The following COL11A1 variants were observed in gnomAD, a reference collection of about 807,000 sequenced individuals.
COL11A1 encodes the protein collagen alpha-1(XI) chain.
COL11A1 carries 74 observed loss-of-function variants against 265.2 expected under a neutral mutation model. That is an observed-to-expected ratio of 0.28 (90% CI 0.23 to 0.34). The LOEUF is 0.34. COL11A1 is among the 10% of genes least tolerant of loss of function. COL11A1 has a pLI of 1.00. For missense variants in COL11A1, 2,165 were observed against 2,263.6 expected (o/e 0.96, Z 0.88); for synonymous variants, 816 against 727.6 (o/e 1.12, Z -1.96).
intron 57 of COL11A1, among the ~76,000 whole-genome samples, chr1:102,892,827 CAAA>C (rs768134365): frequency 6.6e-6 from 1 of 152,088 alleles, no homozygotes; most frequent in African/African-American, 2.4e-5. Context: ...TAACAACAGA[CAAA>C]AGTTATTTTC....
intron 4 of COL11A1, among the ~76,000 whole-genome samples, chr1:103,050,891 C>T (rs982689974): frequency 6.6e-6 from 1 of 152,178 alleles, no homozygotes; most frequent in Non-Finnish European, 1.5e-5. Context: ...GCCTGGGTAT[C>T]AGCAGCAGAG....
intron 63 of COL11A1, among the ~76,000 whole-genome samples, chr1:102,883,589 C>A (rs1166585523): frequency 6.6e-6 from 1 of 152,092 alleles, no homozygotes; most frequent in African/African-American, 2.4e-5. Context: ...ACTTAAATAT[C>A]ATCTCCTCAA....
intron 44 of COL11A1, among the ~76,000 whole-genome samples, chr1:102,937,688 C>T (rs1557846103): frequency 6.6e-6 from 1 of 152,138 alleles, no homozygotes; most frequent in Non-Finnish European, 1.5e-5. Flanking sequence ...CCCCTTTGAA[C>T]TTCTCTGCCA....
At chr1:103,084,209 C>G (rs1672672866) in intron 1 of COL11A1, among the ~76,000 whole-genome samples, 1 of 152,068 alleles carries the variant, frequency 6.6e-6, no homozygotes, top group Admixed American at 6.6e-5. Context: ...TTTTCATCAA[C>G]TCAAACTTCA....
chr1:103,031,044 A>T (rs1667943098), intron 5 of COL11A1, 72 bp downstream of exon 5: 2 of 1,527,784 alleles, frequency 1.3e-6, no homozygotes, highest in East Asian at 4.5e-5. Context: ...AAATAAGTAT[A>T]AGTTCAAAAA....
chr1:102,879,249 A>G (rs1398278968), intron 66 of COL11A1, among the ~76,000 whole-genome samples: 3 of 152,186 alleles, frequency 2.0e-5, no homozygotes, highest in Non-Finnish European at 4.4e-5. Context: ...TATAGTACAA[A>G]TTAACAAGCT....
intron 48 of COL11A1, 92 bp from the exon 49 acceptor site, chr1:102,920,456 A>G (rs1034533560): frequency 5.8e-6 from 6 of 1,039,584 alleles, no homozygotes; most frequent in Non-Finnish European, 9.1e-6. Context: ...AAAAAGAGAA[A>G]TAGATGCATG....
chr1:102,993,824 C>T (rs1438143995), intron 28 of COL11A1, among the ~76,000 whole-genome samples: 1 of 152,178 alleles, frequency 6.6e-6, no homozygotes, highest in Non-Finnish European at 1.5e-5. Context: ...TAGGCATGTG[C>T]CACTGTGCCC....
chr1:102,906,988 C>T (rs1363756751), intron 54 of COL11A1, among the ~76,000 whole-genome samples: 1 of 151,972 alleles, frequency 6.6e-6, no homozygotes, highest in Non-Finnish European at 1.5e-5. Flanking sequence ...TTTATCCAAA[C>T]CTAATATAGA....
intron 4 of COL11A1, among the ~76,000 whole-genome samples, chr1:103,046,616 C>A (rs1669293083): frequency 6.6e-6 from 1 of 151,000 alleles, no homozygotes; most frequent in Admixed American, 6.6e-5. Context: ...TTAATTAGAT[C>A]CCATTTGTCA....
At chr1:102,955,169 T>C (rs905392742) in intron 41 of COL11A1, among the ~76,000 whole-genome samples, 2 of 152,068 alleles carry the variant, frequency 1.3e-5, no homozygotes, top group Non-Finnish European at 2.9e-5. Flanking sequence ...TGTCGGTACA[T>C]GACATCCTTT....
chr1:102,918,097 C>T, intron 49 of COL11A1, among the ~76,000 whole-genome samples: 1 of 151,338 alleles, frequency 6.6e-6, no homozygotes, highest in Non-Finnish European at 1.5e-5. Context: ...TACCAAAATG[C>T]TACAAACTAT....
chr1:102,984,292 A>G (rs1663327702), intron 30 of COL11A1, 101 bp from the exon 31 acceptor site: 1 of 714,306 alleles, frequency 1.4e-6, no homozygotes, highest in Admixed American at 2.7e-5. Context: ...CATATTGTAC[A>G]CTCAAAAGGA....
intron 4 of COL11A1, among the ~76,000 whole-genome samples, chr1:103,072,425 C>T (rs1336098903): frequency 6.6e-6 from 1 of 151,840 alleles, no homozygotes; most frequent in Non-Finnish European, 1.5e-5. Context: ...CTGGTATTAT[C>T]ATATTATCTT....
intron 56 of COL11A1, 135 bp downstream of exon 56, chr1:102,898,531 A>G (rs1652740181): frequency 3.1e-6 from 2 of 655,034 alleles, no homozygotes; most frequent in Admixed American, 2.6e-5. Context: ...TTTTTACATT[A>G]TATTTACAGA....
intron 54 of COL11A1, among the ~76,000 whole-genome samples, chr1:102,901,164 C>CA (rs1436580206): frequency 6.6e-6 from 1 of 151,632 alleles, no homozygotes; most frequent in Non-Finnish European, 1.5e-5. Context: ...ACTAAAAATA[C>CA]AAAAAATTAG....
chr1:103,055,433 T>A (rs909386055), intron 4 of COL11A1, among the ~76,000 whole-genome samples: 1 of 152,228 alleles, frequency 6.6e-6, no homozygotes, highest in African/African-American at 2.4e-5. Flanking sequence ...TATTTTAAAA[T>A]CCAGATAGAA....
intron 4 of COL11A1, among the ~76,000 whole-genome samples, chr1:103,054,429 G>T (rs975941703): frequency 2.0e-5 from 3 of 152,052 alleles, no homozygotes; most frequent in Non-Finnish European, 4.4e-5. Flanking sequence ...ATGGCATTTT[G>T]CTTTTGCCTT....
intron 6 of COL11A1, 140 bp from the exon 7 acceptor site, chr1:103,025,753 T>A: frequency 6.2e-7 from 1 of 1,608,084 alleles, no homozygotes; most frequent in Non-Finnish European, 8.5e-7. Flanking sequence ...TGATCAGAGA[T>A]CTTCCAGCTT....
Sources: gnomAD v4.1 joint callset for allele counts (sites outside exome capture counted in the v4.1 genomes callset) on GRCh38, gnomAD v4.1.1 for gene constraint, MANE v1.5 for transcripts, NCBI Gene and HGNC (gene_info 2026-07-23, HGNC 2026-07-21) for gene names.